GABRQ: variants seen among roughly 807,000 people sequenced by gnomAD.
The protein encoded by GABRQ is gamma-aminobutyric acid type A receptor subunit theta, also known as gamma-aminobutyric acid receptor subunit theta.
GABRQ carries 19 observed loss-of-function variants against 30.5 expected under a neutral mutation model. The ratio of observed to expected loss-of-function variants is 0.62; its 90% CI spans 0.43 to 0.91. GABRQ has a LOEUF of 0.91. GABRQ is among the 40% of genes least tolerant of loss of function. GABRQ has a pLI of 0.00. For synonymous variants in GABRQ, 187 were observed against 210.2 expected (o/e 0.89, Z 0.95); for missense variants, 520 against 521.4 (o/e 1.00, Z 0.03).
At chrX:152,644,375 TCA>T (rs1441758552) in intron 2 of GABRQ, among the ~76,000 whole-genome samples, 1 of 112,369 alleles carries the variant, frequency 8.9e-6, no homozygotes, top group African/African-American at 3.2e-5. Context: ...CACAATATAC[TCA>T]CAGATTCACT....
At chrX:152,640,967 G>A (rs1930743109) in intron 2 of GABRQ, among the ~76,000 whole-genome samples, 1 of 110,638 alleles carries the variant, frequency 9.0e-6, no homozygotes, top group African/African-American at 3.3e-5. Flanking sequence ...CTCATTCTCA[G>A]TTTATATAAG....
intron 3 of GABRQ, among the ~76,000 whole-genome samples, chrX:152,646,329 C>T (rs912528830): frequency 4.5e-5 from 5 of 112,238 alleles, no homozygotes; most frequent in Non-Finnish European, 7.5e-5. Flanking sequence ...AGCTTTTTGG[C>T]GCTTGGCTTT....
In GABRQ at chrX:152,651,613, T is replaced by C. The variant is rs371012668; in HGVS notation, c.989T>C (p.Ile330Thr). The C allele has an allele frequency of 1.7e-5, 20 of 1,205,326 alleles. No homozygotes were observed. The highest frequency in any genetic ancestry group is 2.2e-5 in the Admixed American group (1 of 45,962). The change falls in exon 8 of 9, where the codon ATC becomes ACC. Residue 330 changes from isoleucine (I) to threonine (T), a missense_variant. Coordinates refer to ENST00000598523, the MANE Select transcript of GABRQ (RefSeq NM_018558.4). ...ATTTCCTGTATCAAGGCCATTGATA[T>C]CTATATCCTCGTGTGCTTGTTCTTT... ...PNISCIKAIDIYILVCLFFVF... is the reference protein window; with the variant it reads ...PNISCIKAIDTYILVCLFFVF...
chrX:152,643,736 C>A (rs1377924428), intron 2 of GABRQ, among the ~76,000 whole-genome samples: 5 of 111,809 alleles, frequency 4.5e-5, no homozygotes, highest in African/African-American at 1.6e-4. Context: ...CACACAATTA[C>A]CCTCTCCTGT....
intron 2 of GABRQ, 81 bp downstream of exon 2, chrX:152,640,547 C>T (rs782155131): frequency 2.8e-5 from 17 of 604,706 alleles, no homozygotes; most frequent in African/African-American, 2.4e-4. Context: ...GCCCTGTAAG[C>T]TGACCAGTGG....
chrX:152,645,545 G>T lies in GABRQ; in HGVS notation c.257G>T (p.Arg86Ile). The change falls in exon 3 of 9, where the codon AGA becomes ATA. Residue 86 changes from arginine to isoleucine, a missense_variant. Physicochemically the swap from Arg to Ile is moderately conservative, Grantham distance 97. Coordinates refer to ENST00000598523, the MANE Select transcript of GABRQ (RefSeq NM_018558.4). ...CTTCTAGGTGCCCCTGTGCCTGTGA[G>T]AATATCTATTTATGTCACGAGCATT... ...PNFGGAPVPV[R>I]ISIYVTSIEQ... 8.8e-7 allele frequency: 1 copy of T among 1,131,121 alleles called. No individual in the cohort carries two copies. Among genetic ancestry groups the T allele is most frequent in the Non-Finnish European group, 1.2e-6 (1 of 822,158 alleles). The allele number at this position is 1,131,121 out of a possible 1,213,427, so 93.2% of individuals were successfully genotyped here.
At chrX:152,652,137 C>T (rs1556820347) in intron 8 of GABRQ, among the ~76,000 whole-genome samples, 1 of 112,680 alleles carries the variant, frequency 8.9e-6, no homozygotes, top group African/African-American at 3.2e-5. Context: ...GGCTGGCCTA[C>T]CTACCCCTCC....
chrX:152,653,134 AAG>A lies in GABRQ; in HGVS notation c.1753_1754del (p.Ser585ProfsTer7). On this transcript the variant is annotated frameshift_variant, in exon 9 of 9. Transcript: ENST00000598523. LOFTEE classifies it low-confidence loss of function (END_TRUNC). Reference sequence around the variant, plus strand: ...CAGAGTCTGAGGATAGTTGCCCCCCAAGCCCTGGGTGCTCCTTCACTGAAGGG... The same window carrying A: ...CAGAGTCTGAGGATAGTTGCCCCCCACCCTGGGTGCTCCTTCACTGAAGGG... The part of the protein sequence containing the change: ...SSESEDSCPP[S>X]PGCSFTEGFS... 8.3e-7 allele frequency: 1 copy of A among 1,211,377 alleles called. No individual in the cohort carries two copies. Among genetic ancestry groups the A allele is most frequent in the Non-Finnish European group, 1.1e-6 (1 of 894,989 alleles).
rs1360890563 is a variant in GABRQ at position 152,655,525 on chromosome X, G to A, written c.*2244G>A. ...GAGGCTGAAAGAGGCATTGAGAATA[G>A]ACACTTGTACAGTCACATACACATA... On this transcript the variant is annotated 3_prime_UTR_variant, in exon 9 of 9. Transcript: ENST00000598523. 1 of 112,695 alleles carries A rather than the reference G, an allele frequency of 8.9e-6. No homozygotes were observed. The highest frequency in any genetic ancestry group is 3.2e-5 in the African/African-American group (1 of 30,945). The allele number at this position is 112,695 out of a possible 1,213,427, so 9.3% of individuals were successfully genotyped here.
intron 1 of GABRQ, 38 bp downstream of exon 1, chrX:152,638,389 G>A: frequency 1.7e-6 from 2 of 1,183,998 alleles, no homozygotes; most frequent in Non-Finnish European, 2.3e-6. Context: ...GGCGGGGACG[G>A]GAATGGAGAC....
At chrX:152,640,291 G>A (rs1930725837) in intron 1 of GABRQ, 87 bp from the exon 2 acceptor site, 5 of 579,306 alleles carry the variant, frequency 8.6e-6, no homozygotes, top group Non-Finnish European at 1.6e-5. Context: ...CTGCGTATGT[G>A]CTGGAGAAGA....
Position 152,653,271 on chromosome X carries a change from A to G in GABRQ, c.1889A>G (p.His630Arg), listed in dbSNP as rs1556820701. The G allele has an allele frequency of 8.4e-7, 1 of 1,195,177 alleles. No individual in the cohort carries two copies. Among genetic ancestry groups the G allele is most frequent in the Admixed American group, 2.2e-5 (1 of 45,831 alleles). The stretch of plus-strand genomic sequence containing the variant: ...TTCAACATTGTTTACTGGGTATACC[A>G]TATGTATTAGTCCCCCAGTGCTCCA... ...GLFNIVYWVY[H>R]MY Residue 630 changes from histidine (H) to arginine (R), a missense_variant, in exon 9 of 9, where the codon CAT becomes CGT. His to Arg is a conservative substitution (Grantham distance 29). Transcript: ENST00000598523.
At chrX:152,640,805 C>T (rs1463239609) in intron 2 of GABRQ, among the ~76,000 whole-genome samples, 2 of 111,661 alleles carry the variant, frequency 1.8e-5, no homozygotes, top group Non-Finnish European at 3.8e-5. Context: ...TTTTCTGCTC[C>T]AGCTCCTGGG....
chrX:152,656,416 G>A lies in GABRQ; in HGVS notation c.*3135G>A, dbSNP rs187136649. On this transcript the variant is annotated 3_prime_UTR_variant, in exon 9 of 9. Transcript: ENST00000598523. ...TTCTTTCCTTCCCATCGACTTCCCC[G>A]ACCCAGGATCCCTTCTTTGCCACTA... 1 of 111,466 alleles carries A rather than the reference G, an allele frequency of 9.0e-6. No individual in the cohort carries two copies. Among genetic ancestry groups the A allele is most frequent in the East Asian group, 2.8e-4 (1 of 3,537 alleles). 9.2% of individuals were successfully genotyped at this position (111,466 alleles called of 1,213,427 possible). A position where few individuals can be genotyped will look rare whatever the true frequency, so the allele number is the denominator to read the frequency against.
chrX:152,640,434 G>A lies in GABRQ; in HGVS notation c.206G>A (p.Arg69Lys), dbSNP rs1984566089. ...AAGATTTTGGACAGGGTGCTGTCAA[G>A]ATACGATGTCCGCCTGAGACCGAAT... ...VQKILDRVLS[R>K]YDVRLRPNFG... Residue 69 changes from arginine (R) to lysine (K), a missense_variant, in exon 2 of 9, where the codon AGA (arginine) becomes AAA (lysine). Transcript: ENST00000598523. The A allele has an allele frequency of 8.3e-7, 1 of 1,197,861 alleles. No individual in the cohort carries two copies. The highest frequency in any genetic ancestry group is 1.8e-5 in the South Asian group (1 of 56,668).
At position 152,640,551 on chromosome X, in the gene GABRQ, C is replaced by T. The variant is rs782816856; in HGVS notation, c.238+85C>T. ...AAGCCAGCCCTGCCCTGTAAGCTGA[C>T]CAGTGGTATCCTGCGGGCTCTACAC... On this transcript the variant is annotated intron_variant, in intron 2 of 8. Transcript: ENST00000598523. The T allele has an allele frequency of 2.1e-4, 121 of 590,125 alleles. 1 individual carries two copies. In the East Asian group the frequency reaches 3.6e-3, roughly 17 times the overall value. The allele number at this position is 590,125 out of a possible 1,213,427, so 48.6% of individuals were successfully genotyped here. A position where few individuals can be genotyped will look rare whatever the true frequency, so the allele number is the denominator to read the frequency against.
intron 2 of GABRQ, among the ~76,000 whole-genome samples, chrX:152,643,988 C>T (rs961230752): frequency 1.8e-5 from 2 of 112,146 alleles, no homozygotes; most frequent in Admixed American, 9.4e-5. Flanking sequence ...CACAAACATG[C>T]TCACACATCC....
At chrX:152,641,769 T>G (rs1930763947) in intron 2 of GABRQ, among the ~76,000 whole-genome samples, 1 of 112,653 alleles carries the variant, frequency 8.9e-6, no homozygotes, top group African/African-American at 3.2e-5. Flanking sequence ...ATCCAGGTGT[T>G]AGAGTACAGG....
At chrX:152,650,634 A>G in intron 7 of GABRQ, 54 bp downstream of exon 7, 1 of 975,611 alleles carries the variant, frequency 1.0e-6, no homozygotes, top group South Asian at 2.2e-5. Flanking sequence ...CTCAGAAAAA[A>G]AGTTGAGAGT....
Sources: allele counts gnomAD v4.1 joint callset (sites outside exome capture counted in the v4.1 genomes callset), GRCh38; gene constraint gnomAD v4.1.1; transcripts MANE v1.5; gene names NCBI Gene and HGNC (gene_info 2026-07-23, HGNC 2026-07-21).